Variants in CDAN1 observed in about 807,000 individuals in gnomAD.
CDAN1 encodes the protein codanin 1.
Under a neutral mutation model 139.8 loss-of-function variants are expected in CDAN1, and 107 were observed. The observed-to-expected ratio is 0.77, with a 90% CI of 0.65 to 0.90. The LOEUF (loss-of-function observed/expected upper bound fraction) is 0.90. CDAN1 is among the 40% of genes least tolerant of loss of function. CDAN1 has a pLI of 0.00. For missense variants in CDAN1, 1,667 were observed against 1,575.7 expected (o/e 1.06, Z -0.98); for synonymous variants, 776 against 660.6 (o/e 1.17, Z -2.68).
Position 42,735,862 on chromosome 15 carries a change from G to A in CDAN1, c.773+13C>T. On this transcript the variant is annotated intron_variant, in intron 3 of 27. Coordinates refer to ENST00000356231, the MANE Select transcript of CDAN1 (RefSeq NM_138477.4). ...CGAGGAAACCGATATCCCCAGGAGC[G>A]GCCAGGCCATACCGCTCCTTCCTGA... The A allele has an allele frequency of 1.2e-6, 2 of 1,613,856 alleles. No homozygotes were observed. The highest frequency in any genetic ancestry group is 1.1e-5 in the South Asian group (1 of 91,026).
At position 42,736,065 on chromosome 15, in the gene CDAN1, G is replaced by C. The variant is rs1252209719; in HGVS notation, c.583C>G (p.Arg195Gly). ...PPGPTGTKPS[R>G]RINPTPVSEE... Reference sequence around the variant, plus strand: ...CTCACCGGAGTTGGGTTGATCCTGCGAGAAGGCTTCGTCCTGCTGAGAGTA... The same window carrying C: ...CTCACCGGAGTTGGGTTGATCCTGCCAGAAGGCTTCGTCCTGCTGAGAGTA... The change falls in exon 3 of 28, where the codon CGC (arginine) becomes GGC (glycine). Residue 195 changes from arginine (R) to glycine (G), a missense_variant. By Grantham distance (125) the Arg-to-Gly change is moderately radical. Around this residue, in one of 3 missense-constraint regions of CDAN1, gnomAD observed 487 missense variants for 422.2 expected, o/e 1.15. Transcript: ENST00000356231. The C allele has an allele frequency of 1.2e-6, 2 of 1,614,112 alleles. No homozygotes were observed. Among genetic ancestry groups the C allele is most frequent in the Non-Finnish European group, 1.7e-6 (2 of 1,179,996 alleles).
rs768581642 is a variant in CDAN1 at position 42,737,034 on chromosome 15, C to A, written c.69G>T (p.Ala23=). The A allele has an allele frequency of 3.4e-5, 53 of 1,547,714 alleles. No homozygotes were observed. In the East Asian group the frequency reaches 1.3e-3, roughly 38 times the overall value. The change falls in exon 1 of 28, where the codon GCG becomes GCT. Residue 23 remains alanine, a synonymous_variant. Transcript: ENST00000356231. ...TTACCTCCGAACCCTGGGTGCTGCG[C>A]GCGATCCACCGCACGACGGCTGCGA... The part of the protein sequence containing the change: ...VSVAAVVRWI[A]RSTQGSEDNA...
At chr15:42,729,734 C>G in intron 16 of CDAN1, 62 bp downstream of exon 16, 14 of 1,586,038 alleles carry the variant, frequency 8.8e-6, no homozygotes, top group Non-Finnish European at 1.2e-5. Context: ...TGGGCCTCCC[C>G]AGGCAGCCCA....
At position 42,729,022 on chromosome 15, in the gene CDAN1, C is replaced by T. The variant is rs2061571571; in HGVS notation, c.2645+1G>A. The T allele has an allele frequency of 1.2e-6, 2 of 1,613,806 alleles. No individual in the cohort carries two copies. The highest frequency in any genetic ancestry group is 1.7e-5 in the Admixed American group (1 of 60,006). On this transcript the variant is annotated splice_donor_variant, in intron 19 of 27. Coordinates refer to ENST00000356231, the MANE Select transcript of CDAN1 (RefSeq NM_138477.4). LOFTEE classifies it high-confidence loss of function. ...GACCAGGATCCTTAACCCACTCTTA[C>T]TTGATATGTTTGACACAGTTTGATC...
At position 42,734,088 on chromosome 15, in the gene CDAN1, T is replaced by A. The variant is rs756639484; in HGVS notation, c.1258-41A>T. On this transcript the variant is annotated intron_variant, in intron 7 of 27. Coordinates refer to ENST00000356231, the MANE Select transcript of CDAN1 (RefSeq NM_138477.4). Reference sequence around the variant, plus strand: ...AACGTTAGGAACTGCAGGGTCATGCTGAGAAAACTTCTCCCTCTTATTCTT... The same window carrying A: ...AACGTTAGGAACTGCAGGGTCATGCAGAGAAAACTTCTCCCTCTTATTCTT... 1.1e-4 allele frequency: 183 copies of A among 1,594,440 alleles called. 2 individuals carry two copies. In the South Asian group the frequency reaches 2.0e-3, roughly 17 times the overall value.
At position 42,727,697 on chromosome 15, in the gene CDAN1, C is replaced by A; in HGVS notation, c.3020G>T (p.Arg1007Leu). ...LRAQGPEPAA[R>L]GERRGCSRAC... ...GCGGGAGCAGCCCCTCCGCTCCCCC[C>A]GGGCAGCAGGTTCAGGACCCTGGGC... Residue 1007 changes from arginine (R) to leucine (L), a missense_variant, in exon 23 of 28, where the codon CGG (arginine) becomes CTG (leucine). Coordinates refer to ENST00000356231, the MANE Select transcript of CDAN1 (RefSeq NM_138477.4). The A allele has an allele frequency of 6.3e-7, 1 of 1,584,860 alleles. No homozygotes were observed. Among genetic ancestry groups the A allele is most frequent in the Admixed American group, 1.7e-5 (1 of 57,968 alleles).
At chr15:42,724,896 T>C in intron 27 of CDAN1, 2 of 611,682 alleles carry the variant, frequency 3.3e-6, no homozygotes, top group East Asian at 5.6e-5. Context: ...AAAATCCAGG[T>C]TATTCTAATT....
Position 42,728,253 on chromosome 15 carries a change from T to C in CDAN1, c.2819A>G (p.Lys940Arg), listed in dbSNP as rs1278624147. 1.2e-6 allele frequency: 2 copies of C among 1,613,804 alleles called. No individual in the cohort carries two copies. The highest frequency in any genetic ancestry group is 1.7e-5 in the Admixed American group (1 of 60,022). Residue 940 changes from lysine (K) to arginine (R), a missense_variant, in exon 21 of 28, where the codon AAG becomes AGG. Physicochemically the swap from Lys to Arg is conservative, Grantham distance 26. This residue lies in a region of CDAN1 where 936 missense variants were observed against 844.1 expected (regional missense o/e 1.11). Coordinates refer to ENST00000356231, the MANE Select transcript of CDAN1 (RefSeq NM_138477.4). ...CAGCGCCCGCACAGCCCCAGGGCTC[T>C]TCCTTTGACAGAACCTAAAAGGGGA... The part of the protein sequence containing the change: ...LALGREFCQR[K>R]SPGAVRALLP...
chr15:42,728,934 C>T, intron 19 of CDAN1, 89 bp downstream of exon 19: 1 of 1,574,196 alleles, frequency 6.4e-7, no homozygotes, highest in South Asian at 1.1e-5. Context: ...CCACACCCAC[C>T]CTCTGGCTGA....
chr15:42,729,429 A>C, intron 17 of CDAN1, 67 bp from the exon 18 acceptor site: 6 of 1,608,858 alleles, frequency 3.7e-6, no homozygotes, highest in Non-Finnish European at 5.1e-6. Context: ...CATGGACTTT[A>C]CTTGTGGAGT....
At chr15:42,729,206 G>A (rs567229735) in intron 18 of CDAN1, 23 bp downstream of exon 18, 34 of 723,490 alleles carry the variant, frequency 4.7e-5, no homozygotes, top group East Asian at 1.6e-4. Flanking sequence ...TTTTCCCCAC[G>A]GCTGTCTCCG....
chr15:42,725,781 G>C, intron 25 of CDAN1, 111 bp from the exon 26 acceptor site: 2 of 1,135,550 alleles, frequency 1.8e-6, no homozygotes, highest in Non-Finnish European at 2.5e-6. Context: ...TCAGGGGTTC[G>C]AGACCAGTCT....
In CDAN1 at chr15:42,724,350, G is replaced by A. The variant is rs1041299705; in HGVS notation, c.*141C>T. 12 of 1,146,238 alleles carry A rather than the reference G, an allele frequency of 1.0e-5. No homozygotes were observed. The highest frequency in any genetic ancestry group is 3.0e-5 in the African/African-American group (2 of 65,652). The allele number at this position is 1,146,238 out of a possible 1,614,324, so 71.0% of individuals were successfully genotyped here. On this transcript the variant is annotated 3_prime_UTR_variant, in exon 28 of 28. Transcript: ENST00000356231. ...TTCGCGTGGTGGGATGCCAGGCAGT[G>A]ACACCCTTAGAGCAGGAAGTCTGAC...
chr15:42,732,366 G>A lies in CDAN1; in HGVS notation c.1500C>T (p.His500=), dbSNP rs1414538734. The change falls in exon 10 of 28, where the codon CAC becomes CAT. Residue 500 remains histidine (H), a synonymous_variant. Transcript: ENST00000356231. ...GQLSAACSHS[H]FVRLFQKQLL... ...GTTGTTTTTGGAAAAGCCGAACAAA[G>A]TGGCTGTGGCTGCAGGCTGCGGAGA... The A allele has an allele frequency of 2.5e-6, 4 of 1,614,116 alleles. No individual in the cohort carries two copies. Among genetic ancestry groups the A allele is most frequent in the Non-Finnish European group, 8.5e-7 (1 of 1,179,994 alleles).
chr15:42,725,662 G>A lies in CDAN1; in HGVS notation c.3277C>T (p.Gln1093Ter). Reference sequence around the variant, plus strand: ...GCCGGGGGCCCTAGGATAGGAATTTGATCTGCAACTGTGGAAAGAGGAAAG... The same window carrying A: ...GCCGGGGGCCCTAGGATAGGAATTTAATCTGCAACTGTGGAAAGAGGAAAG... ...VELASLLVAD[Q>*]IPILGPPAQY... Residue 1093 changes from glutamine (Q) to a stop codon, truncating the protein, a stop_gained, in exon 26 of 28, where the codon CAA (glutamine) becomes TAA (stop). Transcript: ENST00000356231. LOFTEE classifies it high-confidence loss of function. 1 of 1,614,018 alleles carries A rather than the reference G, an allele frequency of 6.2e-7. No individual in the cohort carries two copies. Among genetic ancestry groups the A allele is most frequent in the East Asian group, 2.2e-5 (1 of 44,884 alleles).
chr15:42,732,824 C>T (rs1196750859), intron 9 of CDAN1, among the ~76,000 whole-genome samples: 1 of 152,150 alleles, frequency 6.6e-6, no homozygotes, highest in Non-Finnish European at 1.5e-5. Flanking sequence ...CCAAAAAAAC[C>T]TCAAGCAACC....
chr15:42,726,452 G>T, intron 23 of CDAN1, 35 bp from the exon 24 acceptor site: 1 of 1,489,502 alleles, frequency 6.7e-7, no homozygotes, highest in Non-Finnish European at 9.2e-7. Context: ...ACCTTGCGCT[G>T]GGGGCCAGGA....
Position 42,733,011 on chromosome 15 carries a change from A to AG in CDAN1, c.1457+85_1457+86insC, listed in dbSNP as rs11448523. 0.31 allele frequency: 315,661 copies of AG among 1,027,746 alleles called. 57,825 individuals carry two copies. The highest frequency in any genetic ancestry group is 0.84 in the African/African-American group (55,214 of 65,434). The allele number at this position is 1,027,746 out of a possible 1,614,324, so 63.7% of individuals were successfully genotyped here. ...CTAATGGCTGGTAGGAGCGGGGAAA[A>AG]CCTTCCCTCCTCCTCCCTCCTGCCA... On this transcript the variant is annotated intron_variant, in intron 9 of 27. Coordinates refer to ENST00000356231, the MANE Select transcript of CDAN1 (RefSeq NM_138477.4).
chr15:42,727,375 A>C (rs1229626334), intron 23 of CDAN1, among the ~76,000 whole-genome samples: 1 of 152,236 alleles, frequency 6.6e-6, no homozygotes, highest in African/African-American at 2.4e-5. Flanking sequence ...GCATTTAGTC[A>C]AAAATGTCCT....
Sources: allele counts gnomAD v4.1 joint callset (sites outside exome capture counted in the v4.1 genomes callset), GRCh38; gene constraint gnomAD v4.1.1; regional missense constraint gnomAD v4.1.1; transcripts MANE v1.5; gene names NCBI Gene and HGNC (gene_info 2026-07-23, HGNC 2026-07-21).